Variants in PCMT1 observed in about 807,000 individuals in gnomAD.
The protein encoded by PCMT1 is protein-L-isoaspartate(D-aspartate) O-methyltransferase.
In PCMT1, 9 loss-of-function variants were observed where a neutral mutation model predicts 29.2. The observed-to-expected ratio is 0.31, with a 90% CI of 0.19 to 0.54. The LOEUF (loss-of-function observed/expected upper bound fraction) is 0.54, where lower values mean the gene tolerates loss of function less well. Ranked by LOEUF, PCMT1 falls within the 20% of genes least tolerant of loss-of-function variation. The pLI is 0.95. For synonymous variants in PCMT1, 98 were observed against 97.5 expected, an observed-to-expected ratio of 1.00 and a Z score of -0.03; for missense variants, 184 against 282.2, an observed-to-expected ratio of 0.65 and a Z score of 2.49.
At chr6:149,778,911 A>G (rs963191535) in intron 3 of PCMT1, among the ~76,000 whole-genome samples, 6 of 152,208 alleles carry the variant, frequency 3.9e-5, no homozygotes, top group Admixed American at 6.6e-5. Flanking sequence ...GATTAAAAAG[A>G]AAAGTTATAG....
intron 1 of PCMT1, among the ~76,000 whole-genome samples, chr6:149,770,952 T>G (rs954772349): frequency 6.6e-6 from 1 of 151,868 alleles, no homozygotes; most frequent in South Asian, 2.1e-4. Flanking sequence ...TGAGCCGAGA[T>G]TGCGCCACTG....
At position 149,809,968 on chromosome 6, in the gene PCMT1, T is replaced by C. The variant is rs1458923089; in HGVS notation, c.*38-648T>C. The C allele has an allele frequency of 2.0e-5, 3 of 152,378 alleles. No homozygotes were observed. In the East Asian group the frequency reaches 5.8e-4, roughly 29 times the overall value. 9.4% of individuals were successfully genotyped at this position (152,378 alleles called of 1,614,324 possible). A position where few individuals can be genotyped will look rare whatever the true frequency, so the allele number is the denominator to read the frequency against. Reference sequence around the variant, plus strand: ...TTCATTTTTTCACTTTTAACAGTTTTACTGAGGTATAACTGAGATACCATA... The same window carrying C: ...TTCATTTTTTCACTTTTAACAGTTTCACTGAGGTATAACTGAGATACCATA... On this transcript the variant is annotated intron_variant, in intron 7 of 7. Transcript: ENST00000464889.
In PCMT1 at chr6:149,793,164, A is replaced by C. The variant is rs202187396; in HGVS notation, c.298-385A>C. On this transcript the variant is annotated intron_variant, in intron 4 of 7. Coordinates refer to ENST00000464889, the MANE Select transcript of PCMT1 (RefSeq NM_001360452.2). ...GGTGACAGAGCGAGACTCTCTCTCA[A>C]AAAAAAAAAAAAAGAAATTCCTCCC... Among the ~76,000 whole-genome samples, 384 of 39,572 alleles carry C rather than the reference A, an allele frequency of 9.7e-3. 1 individual carries two copies. The highest frequency in any genetic ancestry group is 0.04 in the African/African-American group (119 of 2,972). 26.0% of individuals were successfully genotyped at this position (39,572 alleles called of 152,430 possible).
Position 149,771,283 on chromosome 6 carries a change from T to G in PCMT1, c.160+17T>G, listed in dbSNP as rs572879221. ...AATCAATAGGTAAGCTTTAGATTTC[T>G]GAAAATATCATAGTTTTCATCATTT... is the stretch of plus-strand genomic sequence containing the variant. On this transcript the variant is annotated intron_variant, in intron 2 of 7. Transcript: ENST00000464889. 2.1e-6 allele frequency: 3 copies of G among 1,395,412 alleles called. No individual in the cohort carries two copies. The Admixed American group carries it at 5.3e-5, about 25-fold the overall frequency. The allele number at this position is 1,395,412 out of a possible 1,614,324, so 86.4% of individuals were successfully genotyped here.
intron 7 of PCMT1, among the ~76,000 whole-genome samples, chr6:149,809,100 C>CA (rs930296981): frequency 2.0e-5 from 3 of 148,478 alleles, no homozygotes; most frequent in South Asian, 2.1e-4. Context: ...ACTAATAATA[C>CA]AAAAAAAATT....
rs192040237 is a variant in PCMT1, at chr6:149,765,044, A to G, written c.56-6118A>G. Among the ~76,000 whole-genome samples, 36 of 146,400 alleles carry G rather than the reference A, an allele frequency of 2.5e-4. No individual in the cohort carries two copies. In the East Asian group the frequency reaches 7.3e-3, roughly 30 times the overall value. ...GAGAGTGAGATTCCGTCTCTAAATA[A>G]ATAAATAAATAAATATAAAAAATAA... On this transcript the variant is annotated intron_variant, in intron 1 of 7. Coordinates refer to ENST00000464889, the MANE Select transcript of PCMT1 (RefSeq NM_001360452.2).
intron 2 of PCMT1, chr6:149,772,033 C>T (rs1190771458): frequency 2.2e-6 from 1 of 456,682 alleles, no homozygotes; most frequent in Non-Finnish European, 4.4e-6. Flanking sequence ...TATTTAACTC[C>T]TTCTCCTGAA....
At chr6:149,795,315 C>A in intron 5 of PCMT1, 1 of 387,512 alleles carries the variant, frequency 2.6e-6, no homozygotes, top group South Asian at 2.5e-5. Context: ...CAGATGGTTC[C>A]ATTAGCAGTA....
chr6:149,801,471 G>A (rs983521866), intron 6 of PCMT1, among the ~76,000 whole-genome samples: 3 of 151,890 alleles, frequency 2.0e-5, no homozygotes, highest in Admixed American at 6.6e-5. Context: ...TTTTTAAGAC[G>A]GAGTCTCGCT....
At chr6:149,761,301 A>T (rs1169794493) in intron 1 of PCMT1, among the ~76,000 whole-genome samples, 1 of 152,116 alleles carries the variant, frequency 6.6e-6, no homozygotes, top group Non-Finnish European at 1.5e-5. Context: ...ATACACATAC[A>T]TACTATCTAT....
intron 4 of PCMT1, among the ~76,000 whole-genome samples, chr6:149,792,178 G>C (rs1232022705): frequency 6.6e-6 from 1 of 152,116 alleles, no homozygotes; most frequent in African/African-American, 2.4e-5. Flanking sequence ...AGCTGGGTGT[G>C]GTGGCACACG....
chr6:149,777,561 C>T (rs2342861), intron 3 of PCMT1, among the ~76,000 whole-genome samples: 81,264 of 152,010 alleles, frequency 0.53, 24,947 homozygotes, highest in East Asian at 0.83. Flanking sequence ...AAGAATGAAA[C>T]AGTATAAAAG....
intron 6 of PCMT1, among the ~76,000 whole-genome samples, chr6:149,798,364 T>C (rs1287163966): frequency 6.6e-6 from 1 of 152,170 alleles, no homozygotes; most frequent in Non-Finnish European, 1.5e-5. Context: ...AGAACTGTGC[T>C]TAAATGAGGC....
chr6:149,777,990 C>T (rs369384343), intron 3 of PCMT1, among the ~76,000 whole-genome samples: 3 of 150,752 alleles, frequency 2.0e-5, no homozygotes, highest in African/African-American at 4.9e-5. Flanking sequence ...GATTCTCCTG[C>T]CTCAGCCTCT....
At chr6:149,761,781 CT>C (rs1786750979) in intron 1 of PCMT1, among the ~76,000 whole-genome samples, 1 of 152,114 alleles carries the variant, frequency 6.6e-6, no homozygotes, top group Non-Finnish European at 1.5e-5. Flanking sequence ...ATTGACAGTT[CT>C]TTTACATTGT....
intron 4 of PCMT1, among the ~76,000 whole-genome samples, chr6:149,793,050 CT>C (rs1172802359): frequency 6.6e-6 from 1 of 151,820 alleles, no homozygotes; most frequent in African/African-American, 2.4e-5. Context: ...GTAGTCCCAG[CT>C]ACTCAGGAGG....
intron 1 of PCMT1, among the ~76,000 whole-genome samples, chr6:149,751,095 T>C (rs927881232): frequency 6.6e-6 from 1 of 152,122 alleles, no homozygotes; most frequent in Non-Finnish European, 1.5e-5. Flanking sequence ...GGCGGGTGGA[T>C]TACCTGAGTT....
In PCMT1 at chr6:149,809,110, T is replaced by G. The variant is rs1465439780; in HGVS notation, c.*38-1506T>G. ...TCTCTACTAATAATACAAAAAAAAT[T>G]TAGCCGGGTATGGTGGTGCCTGCCT... On this transcript the variant is annotated intron_variant, in intron 7 of 7. Coordinates refer to ENST00000464889, the MANE Select transcript of PCMT1 (RefSeq NM_001360452.2). Among the ~76,000 whole-genome samples the G allele has an allele frequency of 4.0e-5, 6 of 149,388 alleles. No homozygotes were observed. In the East Asian group the frequency reaches 1.2e-3, roughly 30 times the overall value.
rs1197718093 is a variant in PCMT1, at chr6:149,754,935, A to C, written c.55+4979A>C. Among the ~76,000 whole-genome samples the C allele has an allele frequency of 1.3e-5, 2 of 152,204 alleles. 1 individual carries two copies. Among genetic ancestry groups the C allele is most frequent in the South Asian group, 4.1e-4 (2 of 4,830 alleles). ...GCTGGCATGTAATGATACTTGTTCT[A>C]TTTTATTCATTATTTTTGTTAATTT... On this transcript the variant is annotated intron_variant, in intron 1 of 7. Coordinates refer to ENST00000464889, the MANE Select transcript of PCMT1 (RefSeq NM_001360452.2).
Sources: allele counts gnomAD v4.1 joint callset (sites outside exome capture counted in the v4.1 genomes callset), GRCh38; gene constraint gnomAD v4.1.1; transcripts MANE v1.5; gene names NCBI Gene and HGNC (gene_info 2026-07-23, HGNC 2026-07-21).